STXBP5L: variants seen among roughly 807,000 people sequenced by gnomAD.
The protein encoded by STXBP5L is syntaxin-binding protein 5-like.
Under a neutral mutation model 144.5 loss-of-function variants are expected in STXBP5L, and 65 were observed. The ratio of observed to expected loss-of-function variants is 0.45; its 90% confidence interval spans 0.37 to 0.55. STXBP5L has a LOEUF of 0.55. Among genes scored for constraint, STXBP5L ranks in the 20% least tolerant of loss-of-function variants. STXBP5L has a pLI of 0.00. For synonymous variants in STXBP5L, 505 were observed against 469.6 expected (o/e 1.08, Z -0.97); for missense variants, 1,298 against 1,405.5 (o/e 0.92, Z 1.22).
intron 2 of STXBP5L, among the ~76,000 whole-genome samples, chr3:120,911,724 G>C (rs924427263): frequency 6.6e-6 from 1 of 151,988 alleles, no homozygotes; most frequent in African/African-American, 2.4e-5. Context: ...TATATAAGTT[G>C]TCCACTAACA....
At chr3:121,095,759 A>G (rs2043086572) in intron 5 of STXBP5L, among the ~76,000 whole-genome samples, 1 of 149,650 alleles carries the variant, frequency 6.7e-6, no homozygotes, top group South Asian at 2.2e-4. Flanking sequence ...GAGAAGTTTG[A>G]TCGTCTGAAG....
At chr3:121,004,560 T>A (rs554167012) in intron 3 of STXBP5L, among the ~76,000 whole-genome samples, 32 of 152,108 alleles carry the variant, frequency 2.1e-4, no homozygotes, top group Middle Eastern at 3.4e-3. Context: ...CCTGCCTGAT[T>A]GCCCTGGCCA....
chr3:120,990,385 A>G (rs1184416478), intron 3 of STXBP5L, among the ~76,000 whole-genome samples: 5 of 152,170 alleles, frequency 3.3e-5, no homozygotes, highest in East Asian at 1.9e-4. Context: ...ATACTGCCCA[A>G]GGTAATTTAT....
At chr3:121,305,022 A>G (rs931498262) in intron 19 of STXBP5L, among the ~76,000 whole-genome samples, 24 of 152,142 alleles carry the variant, frequency 1.6e-4, no homozygotes, top group Admixed American at 1.6e-3. Flanking sequence ...CATTAAAGAA[A>G]TAAAGTAAGA....
chr3:121,365,174 G>A (rs1321750502), intron 20 of STXBP5L, among the ~76,000 whole-genome samples: 2 of 151,498 alleles, frequency 1.3e-5, no homozygotes, highest in Non-Finnish European at 3.0e-5. Context: ...GTATTCTATT[G>A]AGTATTTTGC....
At chr3:120,939,667 T>C (rs1710462155) in intron 2 of STXBP5L, among the ~76,000 whole-genome samples, 1 of 152,212 alleles carries the variant, frequency 6.6e-6, no homozygotes, top group Non-Finnish European at 1.5e-5. Flanking sequence ...CATAATTAGT[T>C]AGATAACTAA....
intron 2 of STXBP5L, among the ~76,000 whole-genome samples, chr3:120,937,021 T>C (rs1317661457): frequency 1.3e-5 from 2 of 152,118 alleles, no homozygotes; most frequent in African/African-American, 4.8e-5. Context: ...ATTTTTCTTT[T>C]ATTAGGGGAG....
At chr3:120,978,546 G>C (rs538312625) in intron 3 of STXBP5L, among the ~76,000 whole-genome samples, 1 of 152,162 alleles carries the variant, frequency 6.6e-6, no homozygotes, top group Non-Finnish European at 1.5e-5. Flanking sequence ...CTCTCAACTC[G>C]TCAAAGTCAT....
chr3:121,295,315 A>G (rs749967387), intron 19 of STXBP5L, among the ~76,000 whole-genome samples: 7 of 152,124 alleles, frequency 4.6e-5, no homozygotes, highest in Admixed American at 1.3e-4. Flanking sequence ...TTTTTAAAAG[A>G]AATGAGAGAA....
intron 5 of STXBP5L, among the ~76,000 whole-genome samples, chr3:121,085,011 C>G (rs1030968807): frequency 6.6e-6 from 1 of 151,662 alleles, no homozygotes; most frequent in African/African-American, 2.4e-5. Context: ...GCATGTATGT[C>G]TTTTTTTGAG....
At chr3:120,988,101 A>T (rs1942478743) in intron 3 of STXBP5L, among the ~76,000 whole-genome samples, 1 of 147,940 alleles carries the variant, frequency 6.8e-6, no homozygotes. Context: ...CTGTTGCTGC[A>T]GTTGATTTTC....
At chr3:121,313,605 G>A (rs1354342119) in intron 19 of STXBP5L, among the ~76,000 whole-genome samples, 1 of 65,146 alleles carries the variant, frequency 1.5e-5, no homozygotes, top group Non-Finnish European at 3.2e-5. Context: ...GCGGCTGGCC[G>A]ACCCCCCCCC....
intron 3 of STXBP5L, among the ~76,000 whole-genome samples, chr3:120,995,795 A>G (rs1943301273): frequency 1.3e-5 from 2 of 152,154 alleles, no homozygotes; most frequent in African/African-American, 2.4e-5. Context: ...TTACGAAACT[A>G]ATAAGAATTA....
At chr3:121,290,434 G>A (rs2108462630) in intron 19 of STXBP5L, among the ~76,000 whole-genome samples, 2 of 152,058 alleles carry the variant, frequency 1.3e-5, no homozygotes, top group Admixed American at 1.3e-4. Context: ...AACAAAAAAA[G>A]TCCAGGACCA....
intron 20 of STXBP5L, among the ~76,000 whole-genome samples, chr3:121,367,602 T>TG (rs2045900121): frequency 7.2e-6 from 1 of 138,708 alleles, no homozygotes; most frequent in South Asian, 2.4e-4. Context: ...CTTGTTTTTT[T>TG]TTTTTTTTTT....
At chr3:121,075,829 T>G (rs1459275559) in intron 5 of STXBP5L, among the ~76,000 whole-genome samples, 2 of 152,180 alleles carry the variant, frequency 1.3e-5, no homozygotes, top group African/African-American at 4.8e-5. Context: ...TGGGAGTGCT[T>G]ATTGTGCATA....
At chr3:121,105,332 G>T (rs1156997023) in intron 5 of STXBP5L, among the ~76,000 whole-genome samples, 1 of 151,940 alleles carries the variant, frequency 6.6e-6, no homozygotes, top group Non-Finnish European at 1.5e-5. Flanking sequence ...GGAGGCAGAG[G>T]TTGCAGTGAG....
intron 22 of STXBP5L, among the ~76,000 whole-genome samples, chr3:121,394,077 T>C (rs1227479302): frequency 6.6e-6 from 1 of 152,190 alleles, no homozygotes; most frequent in Non-Finnish European, 1.5e-5. Context: ...GTTTTTTCAT[T>C]TGTTTGTGTC....
chr3:121,071,893 G>A (rs752300045), intron 5 of STXBP5L, among the ~76,000 whole-genome samples: 2 of 152,296 alleles, frequency 1.3e-5, no homozygotes, highest in South Asian at 4.1e-4. Context: ...AGTTACTTTA[G>A]TAGGGGTTTA....
Sources: gnomAD v4.1 joint callset for allele counts (sites outside exome capture counted in the v4.1 genomes callset) on GRCh38, gnomAD v4.1.1 for gene constraint, MANE v1.5 for transcripts, NCBI Gene and HGNC (gene_info 2026-07-23, HGNC 2026-07-21) for gene names.